Variants in PKN3 observed in about 807,000 individuals in gnomAD.
The protein encoded by PKN3 is protein kinase N3.
Under a neutral mutation model 113.1 loss-of-function variants are expected in PKN3, and 91 were observed. That is an observed-to-expected ratio of 0.80 (90% confidence interval 0.68 to 0.96). The LOEUF (loss-of-function observed/expected upper bound fraction) is 0.96. Ranked by LOEUF, PKN3 falls within the 40% of genes least tolerant of loss-of-function variation. The probability of loss-of-function intolerance (pLI) is 0.00; values close to 1 mark genes in which losing one functional copy is unlikely to be tolerated. For missense variants in PKN3, 1,052 were observed against 1,202.2 expected (o/e 0.88, Z 1.85); for synonymous variants, 467 against 499.0 (o/e 0.94, Z 0.85).
In PKN3 at chr9:128,720,449, C is replaced by A. The variant is rs190481477; in HGVS notation, c.2513C>A (p.Thr838Asn). ...ACCATCCAGCCCCCCTTCGTGCCTA[C>A]CCTGTGTGGCCCTGCGGACCTGCGC... ...ARTIQPPFVPTLCGPADLRYF... is the reference protein window; with the variant it reads ...ARTIQPPFVPNLCGPADLRYF... Residue 838 changes from threonine (T) to asparagine (N), a missense_variant, in exon 22 of 22, where the codon ACC becomes AAC. Physicochemically the swap from Thr to Asn is moderately conservative, Grantham distance 65 (BLOSUM62 0). This residue lies in a region of PKN3 where 333 missense variants were observed against 442.8 expected (regional missense o/e 0.75). Coordinates refer to ENST00000291906, the MANE Select transcript of PKN3 (RefSeq NM_013355.5). This position sits in a 1 kb window ranked among gnomAD's most constrained non-coding sequence, Gnocchi z 5.5. 2 of 1,613,270 alleles carry A rather than the reference C, an allele frequency of 1.2e-6. No homozygotes were observed. The highest frequency in any genetic ancestry group is 2.2e-5 in the East Asian group (1 of 44,878).
chr9:128,720,577 T>C lies in PKN3; in HGVS notation c.2641T>C (p.Phe881Leu), dbSNP rs747232770. The C allele has an allele frequency of 6.2e-7, 1 of 1,613,354 alleles. No homozygotes were observed. The highest frequency in any genetic ancestry group is 1.1e-5 in the South Asian group (1 of 91,088). ...ACAGGCCGCCTTCCGGGACTTCGAC[T>C]TTGTGTCAGAGCGATTCCTGGAACC... Reference protein sequence around the residue: ...RQQAAFRDFDFVSERFLEP With the variant: ...RQQAAFRDFDLVSERFLEP The change falls in exon 22 of 22, where the codon TTT becomes CTT. Residue 881 changes from phenylalanine to leucine, a missense_variant. Transcript: ENST00000291906. The surrounding 1 kb of genome is among the most constrained non-coding windows in gnomAD (Gnocchi z 5.5).
intron 16 of PKN3, 79 bp from the exon 17 acceptor site, chr9:128,718,246 A>C: frequency 1.9e-6 from 2 of 1,067,528 alleles, no homozygotes; most frequent in Non-Finnish European, 2.9e-6. Flanking sequence ...TCCCCCCGCT[A>C]TGGCCATCCT....
At position 128,707,287 on chromosome 9, in the gene PKN3, G is replaced by T. The variant is rs1389133561; in HGVS notation, c.717G>T (p.Leu239=). Reference sequence around the variant, plus strand: ...TCCTGCGCCTGGCCTTGGAGCAGCTGCTGGAGCAACTGCCTCCTGCCCACC... The same window carrying T: ...TCCTGCGCCTGGCCTTGGAGCAGCTTCTGGAGCAACTGCCTCCTGCCCACC... The part of the protein sequence containing the change: ...LDLLRLALEQ[L]LEQLPPAHPL... Residue 239 remains leucine (L), a synonymous_variant, in exon 6 of 22, where the codon CTG becomes CTT. Coordinates refer to ENST00000291906, the MANE Select transcript of PKN3 (RefSeq NM_013355.5). The T allele has an allele frequency of 1.9e-6, 3 of 1,613,674 alleles. No homozygotes were observed. Among genetic ancestry groups the T allele is most frequent in the Admixed American group, 1.7e-5 (1 of 59,994 alleles).
At position 128,711,594 on chromosome 9, in the gene PKN3, G is replaced by A. The variant is rs182276070; in HGVS notation, c.836-1458G>A. ...ATTACAGGTGTGAGCCACCACGCCC[G>A]GCCTTTTTTTTGGGGGGGGTGGGGG... On this transcript the variant is annotated intron_variant, in intron 6 of 21. Coordinates refer to ENST00000291906, the MANE Select transcript of PKN3 (RefSeq NM_013355.5). 2.3e-3 allele frequency among the ~76,000 whole-genome samples: 345 copies of A among 151,374 alleles called. 1 individual carries two copies. The highest frequency in any genetic ancestry group is 8.0e-3 in the African/African-American group (328 of 41,210).
rs1379138574 is a variant in PKN3, at chr9:128,718,642, G to T, written c.2125+17G>T. 1.2e-6 allele frequency: 2 copies of T among 1,612,210 alleles called. No homozygotes were observed. The highest frequency in any genetic ancestry group is 2.2e-5 in the East Asian group (1 of 44,864). ...GCAAGGAAGGTGGGGGCCGCCCATT[G>T]GGATCCATATCTCCAGCCTTGTTTA... On this transcript the variant is annotated intron_variant, in intron 18 of 21. Coordinates refer to ENST00000291906, the MANE Select transcript of PKN3 (RefSeq NM_013355.5).
chr9:128,713,637 GC>G lies in PKN3; in HGVS notation c.1234del (p.Gln412ArgfsTer2), dbSNP rs1321051084. The G allele has an allele frequency of 6.2e-7, 1 of 1,613,536 alleles. No homozygotes were observed. On this transcript the variant is annotated frameshift_variant, in exon 9 of 22. Coordinates refer to ENST00000291906, the MANE Select transcript of PKN3 (RefSeq NM_013355.5). LOFTEE classifies it high-confidence loss of function. ...CCTGGTACCGCAGGGACTGCTTTTT[GC>G]CCAGGTGCTCACCACCTCCGCCCTC... is the stretch of plus-strand genomic sequence containing the variant. ...LSLVPQGLLFAQVTFCDPVIE... is the reference protein window; with the variant it reads ...LSLVPQGLLFXQVTFCDPVIE...
At position 128,702,868 on chromosome 9, in the gene PKN3, G is replaced by A. The variant is rs1399090894; in HGVS notation, c.-48G>A. On this transcript the variant is annotated 5_prime_UTR_variant, in exon 1 of 22. Coordinates refer to ENST00000291906, the MANE Select transcript of PKN3 (RefSeq NM_013355.5). ...TCCTGGCGGAGGGTCTGCGGCTTCC[G>A]GGACCGGAGTGGCTGAGAGAAGGGC... The A allele has an allele frequency of 1.4e-6, 2 of 1,403,782 alleles. No individual in the cohort carries two copies. Among genetic ancestry groups the A allele is most frequent in the Non-Finnish European group, 1.9e-6 (2 of 1,040,346 alleles). The allele number at this position is 1,403,782 out of a possible 1,614,324, so 87.0% of individuals were successfully genotyped here.
intron 6 of PKN3, among the ~76,000 whole-genome samples, chr9:128,707,662 T>C (rs1376270602): frequency 6.6e-6 from 1 of 152,252 alleles, no homozygotes; most frequent in African/African-American, 2.4e-5. Context: ...CAGTCAGCAC[T>C]CGGACAGCGT....
In PKN3 at chr9:128,705,422, C is replaced by T; in HGVS notation, c.144C>T (p.Arg48=). The T allele has an allele frequency of 6.3e-7, 1 of 1,593,480 alleles. No individual in the cohort carries two copies. The highest frequency in any genetic ancestry group is 8.5e-7 in the Non-Finnish European group (1 of 1,170,628). ...ENLRRVATDR[R]HLGHVQQLLR... Reference sequence around the variant, plus strand: ...TGCGGCGCGTGGCCACAGACCGCCGCCACTTGGGCCATGTGCAGCAGCTGC... The same window carrying T: ...TGCGGCGCGTGGCCACAGACCGCCGTCACTTGGGCCATGTGCAGCAGCTGC... Residue 48 remains arginine, a synonymous_variant, in exon 2 of 22, where the codon CGC becomes CGT. Coordinates refer to ENST00000291906, the MANE Select transcript of PKN3 (RefSeq NM_013355.5).
intron 4 of PKN3, 22 bp downstream of exon 4, chr9:128,706,846 A>G (rs2132289299): frequency 6.2e-7 from 1 of 1,612,380 alleles, no homozygotes; most frequent in Non-Finnish European, 8.5e-7. Flanking sequence ...AGACACAGGG[A>G]GGGCGGAGCA....
rs367729017 is a variant in PKN3 at position 128,713,336 on chromosome 9, G to A, written c.1041G>A (p.Gly347=). Residue 347 remains glycine, a synonymous_variant, in exon 8 of 22, where the codon GGG becomes GGA. Coordinates refer to ENST00000291906, the MANE Select transcript of PKN3 (RefSeq NM_013355.5). ...DNRVVGQTGW[G]QVAEQSWDQT... is the part of the protein sequence containing the mutation. Reference sequence around the variant, plus strand: ...GTGTTGTGGGGCAGACGGGCTGGGGGCAGGTGGCCGAACAGTCCTGGGACC... The same window carrying A: ...GTGTTGTGGGGCAGACGGGCTGGGGACAGGTGGCCGAACAGTCCTGGGACC... The A allele has an allele frequency of 8.1e-6, 13 of 1,614,020 alleles. No homozygotes were observed. Among genetic ancestry groups the A allele is most frequent in the African/African-American group, 1.3e-5 (1 of 74,952 alleles).
In PKN3 at chr9:128,720,117, G is replaced by A. The variant is rs1348208572; in HGVS notation, c.2377-86G>A. The A allele has an allele frequency of 2.3e-5, 36 of 1,533,398 alleles. No homozygotes were observed. Among genetic ancestry groups the A allele is most frequent in the South Asian group, 1.2e-4 (11 of 89,014 alleles). 95.0% of individuals were successfully genotyped at this position (1,533,398 alleles called of 1,614,324 possible). A position where few individuals can be genotyped will look rare whatever the true frequency, so the allele number is the denominator to read the frequency against. ...ACCCCCTGCCACCCATCCTTAGAGCGCTCTGGGCCAGCGTGCTTGGGGCCT... is the reference window on the plus strand; with the variant it reads ...ACCCCCTGCCACCCATCCTTAGAGCACTCTGGGCCAGCGTGCTTGGGGCCT... On this transcript the variant is annotated intron_variant, in intron 20 of 21. Transcript: ENST00000291906. This position sits in a 1 kb window ranked among gnomAD's most constrained non-coding sequence, Gnocchi z 5.5.
chr9:128,707,836 G>T (rs1332474390), intron 6 of PKN3, among the ~76,000 whole-genome samples: 2 of 152,076 alleles, frequency 1.3e-5, no homozygotes, highest in Non-Finnish European at 2.9e-5. Flanking sequence ...ACTTTGGGAG[G>T]CTGAGGTGGG....
rs1862268223 is a variant in PKN3 at position 128,714,214 on chromosome 9, G to T, written c.1330G>T (p.Ala444Ser). The T allele has an allele frequency of 2.5e-6, 4 of 1,614,024 alleles. No homozygotes were observed. Among genetic ancestry groups the T allele is most frequent in the Middle Eastern group, 1.6e-4 (1 of 6,062 alleles). ...SKRRGQDFLR[A>S]SQMNLGMAAW... The stretch of plus-strand genomic sequence containing the variant: ...TCTCCCAGGCCAGGACTTCCTGAGG[G>T]CTTCGCAGATGAACCTCGGCATGGC... The change falls in exon 11 of 22, where the codon GCT becomes TCT. Residue 444 changes from alanine to serine, a missense_variant. Physicochemically the swap from Ala to Ser is moderately conservative, Grantham distance 99 (BLOSUM62 1). This residue lies in a region of PKN3 where 719 missense variants were observed against 759.4 expected (regional missense o/e 0.95). Coordinates refer to ENST00000291906, the MANE Select transcript of PKN3 (RefSeq NM_013355.5).
chr9:128,716,406 TG>T (rs1055832456), intron 15 of PKN3, among the ~76,000 whole-genome samples: 33 of 151,186 alleles, frequency 2.2e-4, no homozygotes, highest in African/African-American at 8.0e-4. Flanking sequence ...GAGACCAGCC[TG>T]GGCAACACAG....
intron 6 of PKN3, 75 bp from the exon 7 acceptor site, chr9:128,712,977 G>A (rs889402557): frequency 3.7e-5 from 55 of 1,490,224 alleles, no homozygotes; most frequent in Admixed American, 9.9e-5. Flanking sequence ...TGGCCTTCCT[G>A]GGGTCCCAGG....
At chr9:128,705,087 C>T (rs943823866) in intron 1 of PKN3, among the ~76,000 whole-genome samples, 8 of 152,286 alleles carry the variant, frequency 5.3e-5, no homozygotes, top group African/African-American at 1.4e-4. Flanking sequence ...CCTTCTCTAA[C>T]GGGCGGAGGA....
chr9:128,703,599 C>G (rs957621940), intron 1 of PKN3: 17 of 985,252 alleles, frequency 1.7e-5, no homozygotes, highest in Admixed American at 1.2e-4. Flanking sequence ...TGTCCTGTTC[C>G]GGAGCGAGTG....
chr9:128,712,354 A>T (rs1862205642), intron 6 of PKN3, among the ~76,000 whole-genome samples: 1 of 152,096 alleles, frequency 6.6e-6, no homozygotes, highest in African/African-American at 2.4e-5. Context: ...CTAGATCCCC[A>T]CTGCTTTCTC....
Sources: gnomAD v4.1 joint callset for allele counts (sites outside exome capture counted in the v4.1 genomes callset) on GRCh38, gnomAD v4.1.1 for gene constraint, gnomAD v4.1.1 regional missense constraint, Gnocchi (gnomAD v3.1) non-coding constraint, MANE v1.5 for transcripts, NCBI Gene and HGNC (gene_info 2026-07-23, HGNC 2026-07-21) for gene names.